Variants in CBFA2T3 observed in about 807,000 individuals in gnomAD.
CBFA2T3 encodes the protein CBFA2/RUNX1 partner transcriptional co-repressor 3, also known as transcriptional corepressor CBFA2T3.
A neutral mutation model predicts 58.6 loss-of-function variants in CBFA2T3; 31 were observed. The observed-to-expected ratio is 0.53, with a 90% CI of 0.40 to 0.71. CBFA2T3 has a LOEUF of 0.71. Among genes scored for constraint, CBFA2T3 ranks in the 30% least tolerant of loss-of-function variants. The pLI, the probability that CBFA2T3 is intolerant of heterozygous loss-of-function variation, is 0.00. For missense variants in CBFA2T3, 1,076 were observed against 963.1 expected (o/e 1.12, Z -1.55); for synonymous variants, 531 against 421.9 (o/e 1.26, Z -3.17).
intron 3 of CBFA2T3, among the ~76,000 whole-genome samples, chr16:88,894,800 G>C (rs1022979317): frequency 3.3e-5 from 5 of 152,268 alleles, no homozygotes; most frequent in African/African-American, 9.6e-5. Context: ...CCGTGTGTTC[G>C]CACCTGTGGC....
chr16:88,936,229 C>T (rs887432253), intron 1 of CBFA2T3, among the ~76,000 whole-genome samples: 9 of 152,186 alleles, frequency 5.9e-5, no homozygotes, highest in African/African-American at 2.2e-4. Flanking sequence ...CTGCCCCGGG[C>T]ATTTCCTGGG....
chr16:88,969,628 C>T (rs1455092406), intron 1 of CBFA2T3, among the ~76,000 whole-genome samples: 1 of 152,214 alleles, frequency 6.6e-6, no homozygotes, highest in African/African-American at 2.4e-5. Flanking sequence ...ACCAGGGAGC[C>T]GAGGGAGAGG....
At chr16:88,905,697 G>T (rs1240203076) in intron 1 of CBFA2T3, among the ~76,000 whole-genome samples, 1 of 137,084 alleles carries the variant, frequency 7.3e-6, no homozygotes, top group South Asian at 2.4e-4. Flanking sequence ...CGGGGCTGAA[G>T]GAGGGGCGGG....
intron 1 of CBFA2T3, chr16:88,940,092 C>G (rs1419769465): frequency 6.5e-6 from 1 of 153,532 alleles, no homozygotes; most frequent in African/African-American, 2.4e-5. Flanking sequence ...CGACAAGCCC[C>G]CACCCACAGG....
intron 1 of CBFA2T3, among the ~76,000 whole-genome samples, chr16:88,910,244 G>A (rs890540491): frequency 3.3e-5 from 5 of 152,180 alleles, no homozygotes; most frequent in African/African-American, 7.2e-5. Flanking sequence ...CACCTTTGCT[G>A]CAGGCTGCCT....
intron 1 of CBFA2T3, among the ~76,000 whole-genome samples, chr16:88,976,382 C>T (rs992991772): frequency 1.6e-4 from 25 of 152,032 alleles, no homozygotes; most frequent in Non-Finnish European, 1.5e-4. Flanking sequence ...CCCTCCTAGA[C>T]GGGGCTGAGC....
At chr16:88,879,653 C>G in intron 10 of CBFA2T3, 193 bp from the exon 11 acceptor site, 1 of 569,034 alleles carries the variant, frequency 1.8e-6, no homozygotes, top group Non-Finnish European at 3.2e-6. Flanking sequence ...CACACACAGA[C>G]ACACGTTGAT....
chr16:88,916,141 T>G (rs1390951066), intron 1 of CBFA2T3, among the ~76,000 whole-genome samples: 5 of 147,420 alleles, frequency 3.4e-5, no homozygotes, highest in Admixed American at 3.3e-4. Context: ...CGTGTACATG[T>G]GGGTGTGTGT....
chr16:88,882,892 C>T (rs931216728), intron 7 of CBFA2T3, 131 bp from the exon 8 acceptor site: 2 of 685,488 alleles, frequency 2.9e-6, no homozygotes, highest in South Asian at 3.3e-5. Flanking sequence ...ACAGGGTAAC[C>T]GAAGGGCTGG....
In CBFA2T3 at chr16:88,922,847, G is replaced by A. The variant is rs367964726; in HGVS notation, c.152-21191C>T. Among the ~76,000 whole-genome samples the A allele has an allele frequency of 9.9e-4, 151 of 152,296 alleles. 5 individuals carry two copies. The South Asian group carries it at 0.029, about 29-fold the overall frequency. Reference sequence around the variant, plus strand: ...ACAAAATACTAACTCATTTAACCTCGGCAGCACCCCCACCCAGGAGGCTGT... The same window carrying A: ...ACAAAATACTAACTCATTTAACCTCAGCAGCACCCCCACCCAGGAGGCTGT... On this transcript the variant is annotated intron_variant, in intron 1 of 11. Coordinates refer to ENST00000268679, the MANE Select transcript of CBFA2T3 (RefSeq NM_005187.6).
chr16:88,963,918 C>T (rs963313265), intron 1 of CBFA2T3, among the ~76,000 whole-genome samples: 5 of 152,196 alleles, frequency 3.3e-5, no homozygotes, highest in Admixed American at 2.0e-4. Flanking sequence ...TCTGTCTCTT[C>T]GTGGTGACTT....
chr16:88,935,383 G>A (rs1294510868), intron 1 of CBFA2T3, among the ~76,000 whole-genome samples: 2 of 152,234 alleles, frequency 1.3e-5, no homozygotes, highest in Non-Finnish European at 2.9e-5. Flanking sequence ...TGGGGACCCT[G>A]GTGGTGCAGA....
At chr16:88,907,147 C>T (rs1397022013) in intron 1 of CBFA2T3, among the ~76,000 whole-genome samples, 2 of 152,206 alleles carry the variant, frequency 1.3e-5, no homozygotes, top group East Asian at 1.9e-4. Context: ...AAGGGGACCC[C>T]GGTCCCCGAG....
chr16:88,881,068 C>T (rs1223707471), intron 9 of CBFA2T3: 1 of 709,670 alleles, frequency 1.4e-6, no homozygotes, highest in Non-Finnish European at 2.5e-6. Flanking sequence ...AGCAGAGACC[C>T]TCAGGGCCTC....
chr16:88,877,381 G>T, intron 11 of CBFA2T3, 106 bp from the exon 12 acceptor site: 2 of 911,058 alleles, frequency 2.2e-6, no homozygotes, highest in Admixed American at 2.8e-5. Context: ...CACCAGGTGA[G>T]AAGAGAGAAA....
chr16:88,919,302 G>A (rs142221175), intron 1 of CBFA2T3, among the ~76,000 whole-genome samples: 15 of 152,288 alleles, frequency 9.8e-5, no homozygotes, highest in South Asian at 6.2e-4. Context: ...CGGACACAGC[G>A]TCAGGTTATA....
At chr16:88,895,172 G>C (rs1969834921) in intron 3 of CBFA2T3, among the ~76,000 whole-genome samples, 1 of 152,206 alleles carries the variant, frequency 6.6e-6, no homozygotes, top group South Asian at 2.1e-4. Context: ...TGCAGGCCTG[G>C]ACTGGAAGGG....
intron 1 of CBFA2T3, among the ~76,000 whole-genome samples, chr16:88,905,168 T>G (rs896459897): frequency 1.3e-5 from 2 of 152,036 alleles, no homozygotes; most frequent in East Asian, 3.9e-4. Flanking sequence ...TCTGGAGCTC[T>G]GCACAGCAGC....
Position 88,917,506 on chromosome 16 carries a change from G to A in CBFA2T3, c.152-15850C>T, listed in dbSNP as rs75724563. Reference sequence around the variant, plus strand: ...AAACCCCTGGAAACCTGAGGCCTCTGTTAGGATTTTCCACCAATGAGGCGC... The same window carrying A: ...AAACCCCTGGAAACCTGAGGCCTCTATTAGGATTTTCCACCAATGAGGCGC... On this transcript the variant is annotated intron_variant, in intron 1 of 11. Coordinates refer to ENST00000268679, the MANE Select transcript of CBFA2T3 (RefSeq NM_005187.6). Among the ~76,000 whole-genome samples, 1,497 of 152,336 alleles carry A rather than the reference G, an allele frequency of 9.8e-3. 72 individuals are homozygous for A. The highest frequency in any genetic ancestry group is 0.063 in the Admixed American group (961 of 15,302).
Sources: gnomAD v4.1 joint callset for allele counts (sites outside exome capture counted in the v4.1 genomes callset) on GRCh38, gnomAD v4.1.1 for gene constraint, MANE v1.5 for transcripts, NCBI Gene and HGNC (gene_info 2026-07-23, HGNC 2026-07-21) for gene names.